GPC6: variants seen among roughly 807,000 people sequenced by gnomAD.
The protein encoded by GPC6 is glypican 6.
Under a neutral mutation model 55.2 loss-of-function variants are expected in GPC6, and 14 were observed. The observed-to-expected ratio is 0.25, with a 90% CI of 0.17 to 0.40. The LOEUF (loss-of-function observed/expected upper bound fraction) is 0.40. Among genes scored for constraint, GPC6 ranks in the 10% least tolerant of loss-of-function variants. The pLI, the probability that GPC6 is intolerant of heterozygous loss-of-function variation, is 1.00. For synonymous variants in GPC6, 278 were observed against 259.6 expected (o/e 1.07, Z -0.68); for missense variants, 641 against 708.5 (o/e 0.90, Z 1.08).
At chr13:93,678,039 T>C (rs1336482694) in intron 2 of GPC6, among the ~76,000 whole-genome samples, 1 of 152,208 alleles carries the variant, frequency 6.6e-6, no homozygotes, top group East Asian at 1.9e-4. Flanking sequence ...CCAATTCTCA[T>C]ACTGCCTTCT....
intron 4 of GPC6, among the ~76,000 whole-genome samples, chr13:94,245,849 C>G (rs947709340): frequency 2.6e-5 from 4 of 151,920 alleles, no homozygotes; most frequent in African/African-American, 9.7e-5. Flanking sequence ...ATTGCAGATA[C>G]CTTTGTGAGG....
intron 3 of GPC6, 178 bp downstream of exon 3, chr13:93,830,723 T>G (rs1887458445): frequency 1.6e-6 from 1 of 625,202 alleles, no homozygotes; most frequent in Admixed American, 3.0e-5. Flanking sequence ...TTCCTTGCAT[T>G]GTGTGAGAGA....
At chr13:94,363,075 G>A (rs936390104) in intron 6 of GPC6, among the ~76,000 whole-genome samples, 1 of 151,950 alleles carries the variant, frequency 6.6e-6, no homozygotes, top group African/African-American at 2.4e-5. Flanking sequence ...GGTGTGTGAT[G>A]TTGCCCTTCC....
chr13:94,027,800 C>T lies in GPC6; in HGVS notation c.783C>T (p.Pro261=), dbSNP rs1486674925. Residue 261 remains proline, a synonymous_variant, in exon 4 of 9, where the codon CCC becomes CCT. Coordinates refer to ENST00000377047, the MANE Select transcript of GPC6 (RefSeq NM_005708.5). ...ACTGCCCATACTGTCGGGGGCTTCC[C>T]ACTGTGAGGCCCTGCAACAACTACT... ...MLYCPYCRGL[P]TVRPCNNYCL... 6.2e-7 allele frequency: 1 copy of T among 1,614,068 alleles called. No homozygotes were observed. The highest frequency in any genetic ancestry group is 8.5e-7 in the Non-Finnish European group (1 of 1,179,938).
intron 7 of GPC6, among the ~76,000 whole-genome samples, chr13:94,388,125 G>A (rs79118760): frequency 1.8e-4 from 27 of 152,236 alleles, no homozygotes; most frequent in African/African-American, 6.0e-4. Flanking sequence ...AAAAGGATTC[G>A]TTGTTCACCT....
chr13:93,315,092 G>A (rs1879203620), intron 1 of GPC6, among the ~76,000 whole-genome samples: 1 of 151,672 alleles, frequency 6.6e-6, no homozygotes, highest in Non-Finnish European at 1.5e-5. Flanking sequence ...TGAGAAGGAG[G>A]GAGGGGACTT....
intron 4 of GPC6, among the ~76,000 whole-genome samples, chr13:94,235,274 G>A (rs1890846419): frequency 6.6e-6 from 1 of 152,088 alleles, no homozygotes; most frequent in Admixed American, 6.6e-5. Context: ...CAGGTATAAT[G>A]AACCAAGGAC....
intron 4 of GPC6, among the ~76,000 whole-genome samples, chr13:94,150,313 T>C (rs899094686): frequency 9.2e-5 from 14 of 152,224 alleles, no homozygotes; most frequent in Middle Eastern, 3.4e-3. Flanking sequence ...CTGATATCCT[T>C]TTCCCCCCTT....
chr13:93,450,869 C>T (rs12866595), intron 1 of GPC6: 42,533 of 192,802 alleles, frequency 0.22, 4,984 homozygotes, highest in Middle Eastern at 0.27. Flanking sequence ...TTAATATGAT[C>T]AATTTGTCAT....
At chr13:93,292,256 G>C (rs534877732) in intron 1 of GPC6, among the ~76,000 whole-genome samples, 4 of 152,246 alleles carry the variant, frequency 2.6e-5, no homozygotes, top group Admixed American at 2.6e-4. Flanking sequence ...AATAATGCAA[G>C]GCTTTCCAGT....
rs1016017219 is a variant in GPC6, at chr13:93,334,752, C to T, written c.160+107136C>T. Among the ~76,000 whole-genome samples, 13 of 152,274 alleles carry T rather than the reference C, an allele frequency of 8.5e-5. 1 individual carries two copies. The Middle Eastern group carries it at 0.01, about 120-fold the overall frequency. ...AAAGTGTTGCGATTGCAGGCGTGAG[C>T]CACTGTGCCTGGCCTATTGATTCTT... is the stretch of plus-strand genomic sequence containing the variant. On this transcript the variant is annotated intron_variant, in intron 1 of 8. Coordinates refer to ENST00000377047, the MANE Select transcript of GPC6 (RefSeq NM_005708.5).
At chr13:93,596,547 A>G (rs2139516014) in intron 2 of GPC6, among the ~76,000 whole-genome samples, 1 of 150,980 alleles carries the variant, frequency 6.6e-6, no homozygotes, top group Non-Finnish European at 1.5e-5. Flanking sequence ...GAAGTAATGT[A>G]TTAGACAAGT....
intron 1 of GPC6, among the ~76,000 whole-genome samples, chr13:93,255,329 T>A (rs1192928211): frequency 1.3e-5 from 2 of 152,240 alleles, no homozygotes; most frequent in Non-Finnish European, 2.9e-5. Context: ...AAGATTTATC[T>A]TCTTTTTATA....
At chr13:93,741,666 G>T (rs759947109) in intron 2 of GPC6, among the ~76,000 whole-genome samples, 37 of 152,126 alleles carry the variant, frequency 2.4e-4, no homozygotes, top group Admixed American at 1.3e-3. Flanking sequence ...TATAATTTCT[G>T]TGTCCATCCT....
chr13:93,257,699 G>A (rs1321897125), intron 1 of GPC6, among the ~76,000 whole-genome samples: 4 of 152,118 alleles, frequency 2.6e-5, no homozygotes, highest in African/African-American at 9.7e-5. Flanking sequence ...GAGGAAACTG[G>A]GGCAGAGACA....
At chr13:94,152,324 T>A (rs1256249261) in intron 4 of GPC6, among the ~76,000 whole-genome samples, 1 of 152,178 alleles carries the variant, frequency 6.6e-6, no homozygotes, top group African/African-American at 2.4e-5. Flanking sequence ...ACATATAACA[T>A]GAGTTTGAAC....
chr13:93,452,037 C>T (rs1878246328), intron 1 of GPC6, among the ~76,000 whole-genome samples: 1 of 152,066 alleles, frequency 6.6e-6, no homozygotes, highest in Non-Finnish European at 1.5e-5. Flanking sequence ...GTTGCAGTAT[C>T]ATTAACAATA....
intron 4 of GPC6, among the ~76,000 whole-genome samples, chr13:94,188,809 A>T (rs1889289917): frequency 6.6e-6 from 1 of 152,162 alleles, no homozygotes; most frequent in Non-Finnish European, 1.5e-5. Context: ...CCTTCATACT[A>T]AAGAAAGAGA....
At chr13:93,552,418 A>G (rs3910918) in intron 2 of GPC6, among the ~76,000 whole-genome samples, 27,389 of 151,606 alleles carry the variant, frequency 0.18, 2,866 homozygotes, top group East Asian at 0.3. Context: ...ATCTTTGTAC[A>G]ACTGGAATAT....
Sources: allele counts gnomAD v4.1 joint callset (sites outside exome capture counted in the v4.1 genomes callset), GRCh38; gene constraint gnomAD v4.1.1; transcripts MANE v1.5; gene names NCBI Gene and HGNC (gene_info 2026-07-23, HGNC 2026-07-21).